Variants in CYP39A1 observed in about 807,000 individuals in gnomAD.
CYP39A1 encodes the protein 24-hydroxycholesterol 7-alpha-hydroxylase.
CYP39A1 carries 49 observed loss-of-function variants against 58.1 expected under a neutral mutation model. The observed-to-expected ratio is 0.84, with a 90% CI of 0.67 to 1.07. The LOEUF is 1.07. Ranked by LOEUF, CYP39A1 falls within the 50% of genes least tolerant of loss-of-function variation. CYP39A1 has a pLI of 0.00. For synonymous variants in CYP39A1, 209 were observed against 187.6 expected (o/e 1.11, Z -0.93); for missense variants, 531 against 539.4 (o/e 0.98, Z 0.16).
At chr6:46,621,803 A>G (rs1774972048) in intron 7 of CYP39A1, among the ~76,000 whole-genome samples, 1 of 152,150 alleles carries the variant, frequency 6.6e-6, no homozygotes, top group African/African-American at 2.4e-5. Context: ...TACACTCTCT[A>G]AAGCCAGAAT....
At chr6:46,604,958 A>T (rs567780848) in intron 7 of CYP39A1, among the ~76,000 whole-genome samples, 24 of 152,056 alleles carry the variant, frequency 1.6e-4, no homozygotes, top group Non-Finnish European at 2.6e-4. Context: ...AAAGAATTGC[A>T]TTGGGCTACA....
chr6:46,642,123 A>G, intron 2 of CYP39A1, 40 bp downstream of exon 2: 1 of 1,606,780 alleles, frequency 6.2e-7, no homozygotes, highest in Non-Finnish European at 8.5e-7. Context: ...CTGGATTCCA[A>G]TGTTGGATTT....
At chr6:46,566,991 TG>T (rs201841327) in intron 10 of CYP39A1, among the ~76,000 whole-genome samples, 2 of 151,946 alleles carry the variant, frequency 1.3e-5, no homozygotes, top group African/African-American at 2.4e-5. Context: ...TTGGGAGAAG[TG>T]GGGGGGTGAG....
intron 1 of CYP39A1, among the ~76,000 whole-genome samples, chr6:46,643,639 A>G (rs1043580208): frequency 1.3e-5 from 2 of 152,234 alleles, no homozygotes; most frequent in African/African-American, 4.8e-5. Flanking sequence ...CCTGGCCACA[A>G]GTGTAGACTA....
intron 10 of CYP39A1, among the ~76,000 whole-genome samples, chr6:46,564,539 C>T (rs374923993): frequency 6.6e-6 from 1 of 151,758 alleles, no homozygotes; most frequent in African/African-American, 2.4e-5. Flanking sequence ...ACACAGAAGG[C>T]CAGAAGGAAG....
At chr6:46,570,645 C>T (rs1440216804) in intron 10 of CYP39A1, among the ~76,000 whole-genome samples, 1 of 152,122 alleles carries the variant, frequency 6.6e-6, no homozygotes, top group East Asian at 1.9e-4. Context: ...CCAGTATCTG[C>T]TTCTGGTGAG....
intron 10 of CYP39A1, among the ~76,000 whole-genome samples, chr6:46,563,664 T>C (rs1033178051): frequency 6.6e-6 from 1 of 152,076 alleles, no homozygotes; most frequent in African/African-American, 2.4e-5. Flanking sequence ...CCTGGCATGA[T>C]TAACACTGAC....
intron 6 of CYP39A1, among the ~76,000 whole-genome samples, chr6:46,629,908 C>G (rs532090010): frequency 1.3e-4 from 20 of 151,722 alleles, no homozygotes; most frequent in Admixed American, 7.9e-4. Flanking sequence ...TCTCATGGCT[C>G]TAATCTAATG....
intron 10 of CYP39A1, chr6:46,583,052 C>A (rs1772236785): frequency 1.0e-6 from 1 of 984,986 alleles, no homozygotes; most frequent in African/African-American, 1.7e-5. Context: ...AAGCCCATGA[C>A]TTTGTGGCCT....
At chr6:46,564,117 TCTATTTTA>T (rs1771140007) in intron 10 of CYP39A1, among the ~76,000 whole-genome samples, 1 of 114,016 alleles carries the variant, frequency 8.8e-6, no homozygotes, top group South Asian at 2.8e-4. Flanking sequence ...TTTATTTTAT[TCTATTTTA>T]TTCTATTTTA....
chr6:46,622,977 A>C (rs1775062186), intron 7 of CYP39A1, among the ~76,000 whole-genome samples: 1 of 152,132 alleles, frequency 6.6e-6, no homozygotes, highest in African/African-American at 2.4e-5. Flanking sequence ...TTTTACCCTG[A>C]GATTTGTTTT....
intron 10 of CYP39A1, among the ~76,000 whole-genome samples, chr6:46,565,322 C>T (rs1482742600): frequency 6.6e-6 from 1 of 151,876 alleles, no homozygotes; most frequent in African/African-American, 2.4e-5. Flanking sequence ...ATACATGCAA[C>T]ATTATGTCTG....
intron 1 of CYP39A1, among the ~76,000 whole-genome samples, chr6:46,650,306 G>A (rs1418689256): frequency 1.3e-5 from 2 of 151,698 alleles, no homozygotes; most frequent in East Asian, 1.9e-4. Context: ...GGGTAGGCTG[G>A]TGTGAGCCTT....
At chr6:46,649,995 G>A (rs181800827) in intron 1 of CYP39A1, among the ~76,000 whole-genome samples, 2 of 152,198 alleles carry the variant, frequency 1.3e-5, no homozygotes, top group East Asian at 3.9e-4. Context: ...TTATGCAGGT[G>A]CCATTTAGAT....
chr6:46,565,973 A>G (rs1771251037), intron 10 of CYP39A1, among the ~76,000 whole-genome samples: 1 of 152,196 alleles, frequency 6.6e-6, no homozygotes, highest in African/African-American at 2.4e-5. Context: ...GTGCCATGGT[A>G]TTGGCCTCTA....
intron 7 of CYP39A1, among the ~76,000 whole-genome samples, chr6:46,613,804 C>G (rs1582401212): frequency 6.7e-6 from 1 of 150,224 alleles, no homozygotes; most frequent in Admixed American, 6.6e-5. Flanking sequence ...ACAGCCTACA[C>G]AGGAGCTAAA....
At chr6:46,558,955 C>T (rs1402076491) in intron 10 of CYP39A1, among the ~76,000 whole-genome samples, 1 of 145,854 alleles carries the variant, frequency 6.9e-6, no homozygotes, top group African/African-American at 2.6e-5. Context: ...GAGATCGCGC[C>T]ACTGCGCTCC....
chr6:46,563,489 A>C (rs1169725708), intron 10 of CYP39A1, among the ~76,000 whole-genome samples: 1 of 152,220 alleles, frequency 6.6e-6, no homozygotes, highest in Non-Finnish European at 1.5e-5. Flanking sequence ...CTGCATTTGT[A>C]TTTAAATACT....
At chr6:46,557,933 C>CAAAA (rs1186594398) in intron 10 of CYP39A1, among the ~76,000 whole-genome samples, 14 of 37,590 alleles carry the variant, frequency 3.7e-4, no homozygotes, top group African/African-American at 9.9e-4. Context: ...GACTCCATCT[C>CAAAA]AAAAAAAAAA....
Sources: gnomAD v4.1 joint callset for allele counts (sites outside exome capture counted in the v4.1 genomes callset) on GRCh38, gnomAD v4.1.1 for gene constraint, MANE v1.5 for transcripts, NCBI Gene and HGNC (gene_info 2026-07-23, HGNC 2026-07-21) for gene names.